The following ATP11C variants were observed in gnomAD, a reference collection of about 807,000 sequenced individuals.
ATP11C encodes ATPase phospholipid transporting 11C (ATP11C blood group), also known as phospholipid-transporting ATPase IG.
A neutral mutation model predicts 97.4 loss-of-function variants in ATP11C; 36 were observed. The ratio of observed to expected loss-of-function variants is 0.37; its 90% confidence interval spans 0.28 to 0.49. ATP11C has a LOEUF of 0.49. Ranked by LOEUF, ATP11C falls within the 20% of genes least tolerant of loss-of-function variation. The pLI is 0.98. For missense variants in ATP11C, 730 were observed against 824.6 expected (o/e 0.89, Z 1.40); for synonymous variants, 275 against 290.9 (o/e 0.95, Z 0.56).
At chrX:139,779,392 A>G (rs759095176) in intron 18 of ATP11C, among the ~76,000 whole-genome samples, 2 of 112,027 alleles carry the variant, frequency 1.8e-5, no homozygotes, top group South Asian at 7.4e-4. Context: ...ATCTTCTCAG[A>G]ACAGAGTGAA....
At chrX:139,874,521 T>C (rs867457005) in intron 1 of ATP11C, among the ~76,000 whole-genome samples, 2 of 112,179 alleles carry the variant, frequency 1.8e-5, no homozygotes, top group South Asian at 3.7e-4. Context: ...TTTGTTCCCA[T>C]TTTGGCAAAA....
chrX:139,847,320 T>C (rs773939397), intron 1 of ATP11C, among the ~76,000 whole-genome samples: 38 of 111,092 alleles, frequency 3.4e-4, no homozygotes, highest in African/African-American at 1.2e-3. Flanking sequence ...GAGGCAGAGA[T>C]TGCAGTGAGT....
At chrX:139,928,877 A>C (rs1310311014) in intron 1 of ATP11C, among the ~76,000 whole-genome samples, 1 of 112,111 alleles carries the variant, frequency 8.9e-6, no homozygotes, top group African/African-American at 3.2e-5. Flanking sequence ...CCAAGCCCCC[A>C]ACCTACTTTA....
At chrX:139,793,923 A>G (rs937783056) in intron 12 of ATP11C, among the ~76,000 whole-genome samples, 2 of 111,567 alleles carry the variant, frequency 1.8e-5, no homozygotes, top group East Asian at 2.8e-4. Flanking sequence ...AATACCTAGC[A>G]CACACACACA....
At chrX:139,823,045 C>T (rs928074621) in intron 2 of ATP11C, among the ~76,000 whole-genome samples, 2 of 109,993 alleles carry the variant, frequency 1.8e-5, no homozygotes, top group African/African-American at 6.6e-5. Context: ...GGCGAAACCC[C>T]GTGTCTATTA....
In ATP11C at chrX:139,762,117, G is replaced by A. The variant is rs1017626602; in HGVS notation, c.2495-11C>T. ...CTTTGCCTTTAATACCTAAAAGAGA[G>A]TATCTCTATATGGTGAGCATTTTCT... On this transcript the variant is annotated splice_polypyrimidine_tract_variant and intron_variant, in intron 21 of 29. Transcript: ENST00000682941. 2.5e-6 allele frequency: 3 copies of A among 1,178,994 alleles called. No individual in the cohort carries two copies. The highest frequency in any genetic ancestry group is 2.5e-4 in the Middle Eastern group (1 of 3,984).
chrX:139,928,927 T>C (rs1381879073), intron 1 of ATP11C, among the ~76,000 whole-genome samples: 2 of 112,044 alleles, frequency 1.8e-5, no homozygotes, highest in Non-Finnish European at 1.9e-5. Context: ...TATAAAATAA[T>C]TTCATAAGCC....
chrX:139,824,123 C>CAAAAAA (rs774186718), intron 2 of ATP11C, among the ~76,000 whole-genome samples: 2 of 59,299 alleles, frequency 3.4e-5, no homozygotes, highest in Non-Finnish European at 6.5e-5. Context: ...CTAAAAATAC[C>CAAAAAA]AAAAAAAAAA....
chrX:139,936,677 G>A (rs750714309), upstream of ATP11C, among the ~76,000 whole-genome samples: 35 of 111,257 alleles, frequency 3.1e-4, no homozygotes, highest in African/African-American at 1.1e-3. Flanking sequence ...TTACCCAGGA[G>A]CTCTTCTTCC....
chrX:139,740,491 A>T (rs951666793), intron 27 of ATP11C, among the ~76,000 whole-genome samples: 4 of 111,990 alleles, frequency 3.6e-5, no homozygotes, highest in African/African-American at 9.7e-5. Flanking sequence ...CCAAAACAGT[A>T]AGATGACAAT....
chrX:139,916,662 G>A (rs1422286631), intron 1 of ATP11C, among the ~76,000 whole-genome samples: 5 of 111,070 alleles, frequency 4.5e-5, no homozygotes, highest in Non-Finnish European at 9.4e-5. Flanking sequence ...CAGGAGAGAA[G>A]TGTACCAGGA....
At chrX:139,838,703 CTT>C (rs1205648594) in intron 1 of ATP11C, among the ~76,000 whole-genome samples, 1 of 112,302 alleles carries the variant, frequency 8.9e-6, no homozygotes, top group Non-Finnish European at 1.9e-5. Context: ...AATCACGGTA[CTT>C]TGGGAGGCCA....
At chrX:139,926,109 A>G (rs1484877676) in intron 1 of ATP11C, among the ~76,000 whole-genome samples, 1 of 110,749 alleles carries the variant, frequency 9.0e-6, no homozygotes, top group African/African-American at 3.3e-5. Flanking sequence ...ATCTACCCTT[A>G]TACCAGGCCA....
chrX:139,926,626 G>T (rs1227319963), intron 1 of ATP11C, among the ~76,000 whole-genome samples: 1 of 112,295 alleles, frequency 8.9e-6, no homozygotes, highest in African/African-American at 3.2e-5. Context: ...TCTCAATTCA[G>T]CTAAAAGTTA....
At chrX:139,914,731 T>C (rs1325636257) in intron 1 of ATP11C, among the ~76,000 whole-genome samples, 1 of 111,496 alleles carries the variant, frequency 9.0e-6, no homozygotes, top group Non-Finnish European at 1.9e-5. Flanking sequence ...GAATAGTGAC[T>C]CTTCCTGAGT....
intron 23 of ATP11C, among the ~76,000 whole-genome samples, chrX:139,755,888 G>C (rs2081924800): frequency 8.9e-6 from 1 of 112,113 alleles, no homozygotes; most frequent in Non-Finnish European, 1.9e-5. Flanking sequence ...AGATAACCTA[G>C]GATATACCAG....
chrX:139,886,035 C>CA (rs2084635912), intron 1 of ATP11C, among the ~76,000 whole-genome samples: 1 of 110,425 alleles, frequency 9.1e-6, no homozygotes, highest in African/African-American at 3.3e-5. Context: ...CTAGCTAATG[C>CA]AATAAGGTAC....
intron 27 of ATP11C, among the ~76,000 whole-genome samples, chrX:139,739,701 T>C (rs1042360467): frequency 2.7e-5 from 3 of 111,835 alleles, no homozygotes; most frequent in Non-Finnish European, 3.8e-5. Flanking sequence ...GTAGAAAGGG[T>C]TGGAAATGAG....
chrX:139,904,515 C>T (rs940350245), intron 1 of ATP11C, among the ~76,000 whole-genome samples: 7 of 111,243 alleles, frequency 6.3e-5, no homozygotes, highest in Non-Finnish European at 9.4e-5. Context: ...GCGACAAGAG[C>T]GAAACTCCAT....
Sources: gnomAD v4.1 joint callset for allele counts (sites outside exome capture counted in the v4.1 genomes callset) on GRCh38, gnomAD v4.1.1 for gene constraint, MANE v1.5 for transcripts, NCBI Gene and HGNC (gene_info 2026-07-23, HGNC 2026-07-21) for gene names.